Variants in TRIM33 observed in about 807,000 individuals in gnomAD.
TRIM33 encodes the protein E3 ubiquitin-protein ligase TRIM33.
In TRIM33, 20 loss-of-function variants were observed where a neutral mutation model predicts 125.4. That is an observed-to-expected ratio of 0.16 (90% CI 0.11 to 0.23). The LOEUF (loss-of-function observed/expected upper bound fraction) is 0.23. Among genes scored for constraint, TRIM33 ranks in the 10% least tolerant of loss-of-function variants. TRIM33 has a pLI of 1.00. For synonymous variants in TRIM33, 564 were observed against 513.9 expected, an observed-to-expected ratio of 1.10 and a Z score of -1.32; for missense variants, 920 against 1,411.4, an observed-to-expected ratio of 0.65 and a Z score of 5.58.
At chr1:114,415,399 C>T (rs1195584835) in intron 11 of TRIM33, among the ~76,000 whole-genome samples, 1 of 152,188 alleles carries the variant, frequency 6.6e-6, no homozygotes, top group Non-Finnish European at 1.5e-5. Context: ...TACCTAACTG[C>T]TTTGAATCTC....
chr1:114,443,966 A>G (rs1648818060), intron 4 of TRIM33, among the ~76,000 whole-genome samples: 1 of 152,214 alleles, frequency 6.6e-6, no homozygotes, highest in Non-Finnish European at 1.5e-5. Context: ...TTGTCACCAA[A>G]AACTATAAAA....
At chr1:114,429,630 G>GAAA (rs370027645) in intron 6 of TRIM33, among the ~76,000 whole-genome samples, 2 of 127,880 alleles carry the variant, frequency 1.6e-5, no homozygotes, top group African/African-American at 2.9e-5. Flanking sequence ...AGATGGGACA[G>GAAA]AAAAAAAAAA....
chr1:114,405,316 C>A, intron 15 of TRIM33, 94 bp downstream of exon 15: 1 of 894,096 alleles, frequency 1.1e-6, no homozygotes, highest in South Asian at 1.6e-5. Flanking sequence ...AAATACTATG[C>A]ACTGGTTAGA....
intron 1 of TRIM33, among the ~76,000 whole-genome samples, chr1:114,474,888 T>A (rs1260086781): frequency 7.4e-5 from 11 of 148,066 alleles, no homozygotes; most frequent in Admixed American, 1.3e-4. Flanking sequence ...GCGAAAACTC[T>A]ATCTCAAAAA....
chr1:114,478,783 C>T (rs1651124945), intron 1 of TRIM33, among the ~76,000 whole-genome samples: 2 of 152,114 alleles, frequency 1.3e-5, no homozygotes, highest in African/African-American at 4.8e-5. Flanking sequence ...CGTGGTGGCT[C>T]ACTCCTGTAA....
In TRIM33 at chr1:114,396,467, A is replaced by G. The variant is rs1343919891; in HGVS notation, c.*1181T>C. ...TATTTCAATATTTCGATATTTCAAT[A>G]ATAAGCTGCTTCTGAAGATTTTTTG... is the stretch of plus-strand genomic sequence containing the variant. On this transcript the variant is annotated 3_prime_UTR_variant, in exon 20 of 20. Transcript: ENST00000358465. 1 of 195,902 alleles carries G rather than the reference A, an allele frequency of 5.1e-6. No homozygotes were observed. The highest frequency in any genetic ancestry group is 1.1e-5 in the Non-Finnish European group (1 of 93,992). The allele number at this position is 195,902 out of a possible 1,614,324, so 12.1% of individuals were successfully genotyped here. A position where few individuals can be genotyped will look rare whatever the true frequency, so the allele number is the denominator to read the frequency against.
intron 1 of TRIM33, among the ~76,000 whole-genome samples, chr1:114,500,721 A>C (rs1386603070): frequency 6.6e-6 from 1 of 151,992 alleles, no homozygotes; most frequent in African/African-American, 2.4e-5. Context: ...CTTACTGCTT[A>C]TTATTATAAA....
At chr1:114,410,127 A>C in intron 12 of TRIM33, 57 bp downstream of exon 12, 1 of 1,596,226 alleles carries the variant, frequency 6.3e-7, no homozygotes, top group Non-Finnish European at 8.6e-7. Flanking sequence ...ACTAAGACAG[A>C]TACTGACACT....
intron 1 of TRIM33, among the ~76,000 whole-genome samples, chr1:114,494,137 T>A (rs2101545883): frequency 6.6e-6 from 1 of 151,844 alleles, no homozygotes; most frequent in Non-Finnish European, 1.5e-5. Context: ...TTTTTTTTAA[T>A]TTTATTTAGA....
At chr1:114,427,315 C>T in intron 7 of TRIM33, 21 bp from the exon 8 acceptor site, 3 of 1,232,292 alleles carry the variant, frequency 2.4e-6, no homozygotes, top group East Asian at 2.4e-5. Flanking sequence ...AAAAAATCCA[C>T]ATTAGTCTCA....
chr1:114,411,078 T>A (rs1652553346), intron 11 of TRIM33, among the ~76,000 whole-genome samples: 1 of 152,236 alleles, frequency 6.6e-6, no homozygotes, highest in South Asian at 2.1e-4. Context: ...CTGGCTCTGC[T>A]GTCCAGACTG....
At chr1:114,405,978 A>G (rs1652205956) in intron 14 of TRIM33, among the ~76,000 whole-genome samples, 1 of 152,182 alleles carries the variant, frequency 6.6e-6, no homozygotes. Context: ...ATAATGTCTC[A>G]CTCAAATAAT....
intron 1 of TRIM33, among the ~76,000 whole-genome samples, chr1:114,499,546 AAGC>A (rs1406535573): frequency 6.6e-6 from 1 of 152,186 alleles, no homozygotes; most frequent in Non-Finnish European, 1.5e-5. Flanking sequence ...TTCTAAATAC[AAGC>A]CAGCCTATAA....
At chr1:114,429,762 C>T (rs1410040878) in intron 6 of TRIM33, among the ~76,000 whole-genome samples, 4 of 152,058 alleles carry the variant, frequency 2.6e-5, no homozygotes, top group Non-Finnish European at 4.4e-5. Context: ...ATGAAATCTT[C>T]AATCAGAAAA....
intron 4 of TRIM33, among the ~76,000 whole-genome samples, chr1:114,461,649 A>C (rs1650008744): frequency 1.3e-5 from 2 of 152,314 alleles, no homozygotes; most frequent in East Asian, 3.9e-4. Context: ...TAATGGTTAA[A>C]CTTTGAGGTG....
At chr1:114,413,573 AG>A (rs1203107740) in intron 11 of TRIM33, among the ~76,000 whole-genome samples, 1,829 of 120,966 alleles carry the variant, frequency 0.015, 94 homozygotes, top group African/African-American at 0.059. Flanking sequence ...AAAAAAAAAA[AG>A]AAAAGAAAAG....
chr1:114,430,089 A>T (rs942042622), intron 6 of TRIM33, among the ~76,000 whole-genome samples: 4 of 152,050 alleles, frequency 2.6e-5, no homozygotes, highest in African/African-American at 9.7e-5. Flanking sequence ...ATATTTTTAA[A>T]ATAAGGTAAA....
At chr1:114,465,999 C>T (rs1246009526) in intron 1 of TRIM33, among the ~76,000 whole-genome samples, 1 of 151,160 alleles carries the variant, frequency 6.6e-6, no homozygotes, top group East Asian at 1.9e-4. Context: ...GCTGAGATCG[C>T]GCCACTGCAC....
chr1:114,454,872 G>T (rs1489726774), intron 4 of TRIM33, among the ~76,000 whole-genome samples: 4 of 152,114 alleles, frequency 2.6e-5, no homozygotes, highest in African/African-American at 9.7e-5. Context: ...TAGCATGTCT[G>T]TGACTTCCAG....
Sources: gnomAD v4.1 joint callset for allele counts (sites outside exome capture counted in the v4.1 genomes callset) on GRCh38, gnomAD v4.1.1 for gene constraint, MANE v1.5 for transcripts, NCBI Gene and HGNC (gene_info 2026-07-23, HGNC 2026-07-21) for gene names.